PILRA: variants seen among roughly 807,000 people sequenced by gnomAD.
The protein encoded by PILRA is paired immunoglobin like type 2 receptor alpha.
A neutral mutation model predicts 33.1 loss-of-function variants in PILRA; 37 were observed. That is an observed-to-expected ratio of 1.12 (90% CI 0.86 to 1.47). The LOEUF (loss-of-function observed/expected upper bound fraction) is 1.47, where lower values mean the gene tolerates loss of function less well. PILRA is among the 40% of genes most tolerant of loss of function. The pLI, the probability that PILRA is intolerant of heterozygous loss-of-function variation, is 0.00. For missense variants in PILRA, 312 were observed against 376.2 expected (o/e 0.83, Z 1.41); for synonymous variants, 146 against 149.9 (o/e 0.97, Z 0.19).
At chr7:100,397,746 T>G in intron 3 of PILRA, 133 bp from the exon 4 acceptor site, 1 of 858,934 alleles carries the variant, frequency 1.2e-6, no homozygotes, top group Non-Finnish European at 1.9e-6. Flanking sequence ...CCCTTCCTGA[T>G]GGGTTTGGGT....
At chr7:100,372,408 A>AAC (rs1176852402), upstream of PILRA, among the ~76,000 whole-genome samples, 1 of 152,038 alleles carries the variant, frequency 6.6e-6, no homozygotes, top group Non-Finnish European at 1.5e-5. Context: ...CTGTCTCAAG[A>AAC]AGGCTGATGT....
intron 6 of PILRA, 74 bp downstream of exon 6, chr7:100,399,686 G>A (rs1791611047): frequency 6.2e-7 from 1 of 1,611,222 alleles, no homozygotes; most frequent in South Asian, 1.1e-5. Context: ...GAGAAGGGGA[G>A]TGTGGTGTGG....
intron 4 of PILRA, among the ~76,000 whole-genome samples, chr7:100,398,433 G>T (rs2130245631): frequency 6.6e-6 from 1 of 152,052 alleles, no homozygotes; most frequent in East Asian, 1.9e-4. Context: ...TCCTTTTTCT[G>T]GGCTCTTCCT....
Position 100,399,868 on chromosome 7 carries a change from C to A in PILRA, c.873C>A (p.Ser291Arg), listed in dbSNP as rs1254132361. Residue 291 changes from serine (S) to arginine (R), a missense_variant, in exon 7 of 7, where the codon AGC becomes AGA. Physicochemically the swap from Ser to Arg is moderately radical, Grantham distance 110. Coordinates refer to ENST00000198536, the MANE Select transcript of PILRA (RefSeq NM_013439.3). ...RAPPSHRPLK[S>R]PQNETLYSVL... is the part of the protein sequence containing the mutation. ...CTCCCAGCCACCGTCCCCTCAAGAG[C>A]CCCCAGAACGAGACCCTGTACTCTG... The A allele has an allele frequency of 6.2e-7, 1 of 1,613,174 alleles. No homozygotes were observed. The highest frequency in any genetic ancestry group is 1.3e-5 in the African/African-American group (1 of 74,900).
At chr7:100,398,917 C>T (rs1012685929) in intron 4 of PILRA, among the ~76,000 whole-genome samples, 4 of 151,710 alleles carry the variant, frequency 2.6e-5, no homozygotes, top group Non-Finnish European at 5.9e-5. Flanking sequence ...ACCCCTAACA[C>T]GTGTCATAAC....
intron 3 of PILRA, among the ~76,000 whole-genome samples, chr7:100,391,481 G>T (rs1238615478): frequency 6.6e-6 from 1 of 152,144 alleles, no homozygotes; most frequent in East Asian, 1.9e-4. Flanking sequence ...GAGCCAAGGA[G>T]TTCAAGACCA....
chr7:100,383,533 G>A (rs1048525971), intron 2 of PILRA, among the ~76,000 whole-genome samples: 5 of 152,178 alleles, frequency 3.3e-5, no homozygotes, highest in African/African-American at 9.7e-5. Flanking sequence ...GGAAGATCCT[G>A]TGTGGCTTTG....
At chr7:100,381,014 C>CCCAG (rs1172179538) in intron 2 of PILRA, among the ~76,000 whole-genome samples, 1 of 151,288 alleles carries the variant, frequency 6.6e-6, no homozygotes, top group Non-Finnish European at 1.5e-5. Context: ...CGCCTGTAAT[C>CCCAG]CCAGCACTTT....
chr7:100,380,120 C>T (rs1381037812), intron 2 of PILRA, among the ~76,000 whole-genome samples: 2 of 152,144 alleles, frequency 1.3e-5, no homozygotes, highest in African/African-American at 4.8e-5. Context: ...ATAGATGAAC[C>T]AGAGGGCCTC....
chr7:100,377,231 CTTTTTTTTTTTTTTTTT>C (rs761225046), intron 2 of PILRA, among the ~76,000 whole-genome samples: 1 of 100,928 alleles, frequency 9.9e-6, no homozygotes, highest in East Asian at 2.8e-4. Flanking sequence ...TTTTCTATTT[CTTTTTTTTTTTTTTTTT>C]TTTTTTTTTT....
At chr7:100,397,845 A>C in intron 3 of PILRA, 34 bp from the exon 4 acceptor site, 1 of 1,611,850 alleles carries the variant, frequency 6.2e-7, no homozygotes, top group Non-Finnish European at 8.5e-7. Context: ...CATCACCCGG[A>C]TGCCACCCTG....
upstream of PILRA, chr7:100,373,391 C>A (rs915939955): frequency 1.7e-6 from 1 of 575,748 alleles, no homozygotes; most frequent in Non-Finnish European, 3.1e-6. Context: ...GGACGGGGAC[C>A]GCGGCCTTTG....
At chr7:100,381,828 C>T (rs1281857559) in intron 2 of PILRA, among the ~76,000 whole-genome samples, 3 of 152,198 alleles carry the variant, frequency 2.0e-5, no homozygotes, top group Admixed American at 6.5e-5. Flanking sequence ...TCGGAGTGGC[C>T]GGCCGGCCCC....
Position 100,374,271 on chromosome 7 carries a change from T to G in PILRA, c.292T>G (p.Phe98Val). ...SIHKDYVNRL[F>V]LNWTEGQKSG... ...TCACAAGGATTATGTGAACCGGCTCTTTCTGAACTGGACAGAGGGTCAGAA... is the reference window on the plus strand; with the variant it reads ...TCACAAGGATTATGTGAACCGGCTCGTTCTGAACTGGACAGAGGGTCAGAA... Residue 98 changes from phenylalanine (F) to valine (V), a missense_variant, in exon 2 of 7, where the codon TTT becomes GTT. Phe to Val is a conservative substitution (Grantham distance 50). Coordinates refer to ENST00000198536, the MANE Select transcript of PILRA (RefSeq NM_013439.3). The G allele has an allele frequency of 5.6e-6, 9 of 1,614,176 alleles. No homozygotes were observed. Among genetic ancestry groups the G allele is most frequent in the Non-Finnish European group, 6.8e-6 (8 of 1,180,028 alleles).
chr7:100,375,070 T>G (rs1239563590), intron 2 of PILRA, among the ~76,000 whole-genome samples: 1 of 152,114 alleles, frequency 6.6e-6, no homozygotes, highest in Non-Finnish European at 1.5e-5. Context: ...CATATCCCTC[T>G]CTTCCTGCAT....
At chr7:100,378,487 A>G (rs1421107300) in intron 2 of PILRA, among the ~76,000 whole-genome samples, 1 of 150,848 alleles carries the variant, frequency 6.6e-6, no homozygotes, top group Non-Finnish European at 1.5e-5. Context: ...AGTCAGTTGC[A>G]TTAAACCTAT....
chr7:100,378,874 C>T (rs1403319170), intron 2 of PILRA, among the ~76,000 whole-genome samples: 1 of 151,752 alleles, frequency 6.6e-6, no homozygotes, highest in Non-Finnish European at 1.5e-5. Flanking sequence ...GGGTGGATCA[C>T]GAGGTCAGGA....
Position 100,374,438 on chromosome 7 carries a change from G to C in PILRA, c.454+5G>C. On this transcript the variant is annotated splice_donor_5th_base_variant and intron_variant, in intron 2 of 6. Transcript: ENST00000198536. ...CCAAACTCTCCATCACCCAGGGTGA[G>C]TCCAGCTGCCCTGGCACCCGCTTTG... 2 of 1,613,828 alleles carry C rather than the reference G, an allele frequency of 1.2e-6. No individual in the cohort carries two copies. Among genetic ancestry groups the C allele is most frequent in the Non-Finnish European group, 1.7e-6 (2 of 1,179,988 alleles).
intron 3 of PILRA, among the ~76,000 whole-genome samples, chr7:100,392,738 A>C (rs1791414523): frequency 6.6e-6 from 1 of 152,242 alleles, no homozygotes; most frequent in South Asian, 2.1e-4. Flanking sequence ...TAGTTGGTTA[A>C]AATGTTTCTA....
Sources: allele counts gnomAD v4.1 joint callset (sites outside exome capture counted in the v4.1 genomes callset), GRCh38; gene constraint gnomAD v4.1.1; transcripts MANE v1.5; gene names NCBI Gene and HGNC (gene_info 2026-07-23, HGNC 2026-07-21).